Variants in ULK4 observed in about 807,000 individuals in gnomAD.
ULK4 encodes the protein unc-51 like kinase 4.
ULK4 carries 133 observed loss-of-function variants against 160.6 expected under a neutral mutation model. The ratio of observed to expected loss-of-function variants is 0.83; its 90% CI spans 0.72 to 0.96. The LOEUF is 0.96. Among genes scored for constraint, ULK4 ranks in the 40% least tolerant of loss-of-function variants. The pLI, the probability that ULK4 is intolerant of heterozygous loss-of-function variation, is 0.00. For missense variants in ULK4, 1,580 were observed against 1,499.5 expected (o/e 1.05, Z -0.89); for synonymous variants, 534 against 539.8 (o/e 0.99, Z 0.15).
chr3:41,740,713 G>A (rs1369002951), intron 22 of ULK4, among the ~76,000 whole-genome samples: 1 of 151,934 alleles, frequency 6.6e-6, no homozygotes, highest in Non-Finnish European at 1.5e-5. Context: ...CTGGGCTACC[G>A]ATATGAGGCT....
chr3:41,458,007 A>G (rs543336122), intron 33 of ULK4, among the ~76,000 whole-genome samples: 1 of 151,938 alleles, frequency 6.6e-6, no homozygotes, highest in Non-Finnish European at 1.5e-5. Context: ...TGTGGGATAT[A>G]AAAAAAGAGG....
intron 32 of ULK4, among the ~76,000 whole-genome samples, chr3:41,564,105 C>G (rs377004067): frequency 6.6e-6 from 1 of 152,146 alleles, no homozygotes. Context: ...AATTTTCCTT[C>G]TTACAGTCAG....
At chr3:41,758,818 A>T (rs1018569925) in intron 21 of ULK4, among the ~76,000 whole-genome samples, 8 of 151,772 alleles carry the variant, frequency 5.3e-5, no homozygotes, top group Admixed American at 1.3e-4. Flanking sequence ...GCTTGCAGTG[A>T]GCCAAGATCG....
intron 35 of ULK4, among the ~76,000 whole-genome samples, chr3:41,295,096 A>G (rs1337782403): frequency 6.6e-6 from 1 of 152,244 alleles, no homozygotes; most frequent in African/African-American, 2.4e-5. Flanking sequence ...GTGAAAGAAC[A>G]GACAAACAGA....
intron 5 of ULK4, among the ~76,000 whole-genome samples, chr3:41,925,217 G>A (rs1699335970): frequency 6.6e-6 from 1 of 152,190 alleles, no homozygotes; most frequent in Non-Finnish European, 1.5e-5. Flanking sequence ...TCATCTCACT[G>A]GGACTGGTTG....
At chr3:41,579,641 G>A (rs961352457) in intron 31 of ULK4, among the ~76,000 whole-genome samples, 4 of 151,880 alleles carry the variant, frequency 2.6e-5, no homozygotes, top group South Asian at 4.2e-4. Flanking sequence ...CTACAGGCGC[G>A]CGCCTCCATG....
chr3:41,729,229 G>A (rs1245928329), intron 22 of ULK4, among the ~76,000 whole-genome samples: 1 of 152,132 alleles, frequency 6.6e-6, no homozygotes, highest in East Asian at 1.9e-4. Context: ...GAATCATGAG[G>A]AAATTCCCCC....
intron 12 of ULK4, among the ~76,000 whole-genome samples, chr3:41,901,479 C>CTTTTTTTTGTTTTTTT (rs1698359897): frequency 4.4e-5 from 1 of 22,526 alleles, no homozygotes; most frequent in Non-Finnish European, 1.7e-4. Context: ...CACGCCCAGC[C>CTTTTTTTTGTTTTTTT]TTTTTTTTTT....
At chr3:41,665,666 T>C (rs2035329107) in intron 29 of ULK4, among the ~76,000 whole-genome samples, 2 of 152,294 alleles carry the variant, frequency 1.3e-5, no homozygotes, top group South Asian at 4.1e-4. Flanking sequence ...TGAGTTAATA[T>C]ATTTTATCAT....
At chr3:41,339,173 A>G (rs1476005038) in intron 35 of ULK4, among the ~76,000 whole-genome samples, 1 of 151,982 alleles carries the variant, frequency 6.6e-6, no homozygotes, top group Non-Finnish European at 1.5e-5. Context: ...GTGAGGCTCT[A>G]GTGGACATTG....
intron 35 of ULK4, among the ~76,000 whole-genome samples, chr3:41,265,223 A>C (rs2125680424): frequency 6.6e-6 from 1 of 152,346 alleles, no homozygotes; most frequent in Non-Finnish European, 1.5e-5. Flanking sequence ...ACGGCCAGCC[A>C]AAGTGTGAAC....
intron 5 of ULK4, among the ~76,000 whole-genome samples, chr3:41,931,470 T>TAAATAA (rs55969147): frequency 0.65 from 82,188 of 126,912 alleles, 24,955 homozygotes; most frequent in South Asian, 0.75. Flanking sequence ...CCCTAGAACT[T>TAAATAA]AAAAAAAAAA....
At position 41,486,981 on chromosome 3, in the gene ULK4, TATC is replaced by T. The variant is rs749602844; in HGVS notation, c.3227-23731_3227-23729del. ...AATACCCGAAACAAATCGTTAAAAT[TATC>T]ATCAATTATAGATAATGTGATTGAG... is the stretch of plus-strand genomic sequence containing the variant. On this transcript the variant is annotated intron_variant, in intron 32 of 36. Transcript: ENST00000301831. 1.1e-4 allele frequency among the ~76,000 whole-genome samples: 17 copies of T among 152,188 alleles called. 1 individual carries two copies. Among genetic ancestry groups the T allele is most frequent in the Non-Finnish European group, 2.1e-4 (14 of 68,044 alleles).
intron 35 of ULK4, among the ~76,000 whole-genome samples, chr3:41,365,856 T>TA (rs551465004): frequency 1.6e-3 from 235 of 148,362 alleles, no homozygotes; most frequent in South Asian, 4.3e-3. Context: ...ACTACAGACT[T>TA]AAAAAAAAAA....
At chr3:41,279,255 T>TAAAAAAAAAAAAAAAAAAAAAAA (rs771175184) in intron 35 of ULK4, among the ~76,000 whole-genome samples, 1 of 43,074 alleles carries the variant, frequency 2.3e-5, no homozygotes, top group Non-Finnish European at 4.3e-5. Flanking sequence ...AAAAAAAGAG[T>TAAAAAAAAAAAAAAAAAAAAAAA]AAAAAAAAAA....
intron 31 of ULK4, among the ~76,000 whole-genome samples, chr3:41,593,379 C>G (rs1469929587): frequency 6.6e-6 from 1 of 151,134 alleles, no homozygotes; most frequent in African/African-American, 2.4e-5. Flanking sequence ...TACAGTTACT[C>G]ACCATATACC....
At position 41,757,708 on chromosome 3, in the gene ULK4, A is replaced by G. The variant is rs183730423; in HGVS notation, c.2194-3220T>C. Reference sequence around the variant, plus strand: ...GAGTGCAGTGGTGCAATCTCGGCTCACTGTAACCTCCCCTTCCTGGGTTCA... The same window carrying G: ...GAGTGCAGTGGTGCAATCTCGGCTCGCTGTAACCTCCCCTTCCTGGGTTCA... On this transcript the variant is annotated intron_variant, in intron 21 of 36. Transcript: ENST00000301831. Among the ~76,000 whole-genome samples the G allele has an allele frequency of 3.7e-3, 556 of 148,306 alleles. 17 individuals carry two copies. Among genetic ancestry groups the G allele is most frequent in the Admixed American group, 0.032 (479 of 14,924 alleles).
intron 31 of ULK4, among the ~76,000 whole-genome samples, chr3:41,598,730 T>C (rs1370721154): frequency 6.6e-5 from 10 of 151,840 alleles, no homozygotes; most frequent in South Asian, 2.1e-4. Flanking sequence ...CTACAAAGAC[T>C]GCTGTATATT....
intron 35 of ULK4, among the ~76,000 whole-genome samples, chr3:41,340,639 T>C (rs950558659): frequency 4.6e-5 from 7 of 152,210 alleles, no homozygotes. Flanking sequence ...ACATCTGGAG[T>C]GCTCAATAGC....
Sources: allele counts gnomAD v4.1 joint callset (sites outside exome capture counted in the v4.1 genomes callset), GRCh38; gene constraint gnomAD v4.1.1; transcripts MANE v1.5; gene names NCBI Gene and HGNC (gene_info 2026-07-23, HGNC 2026-07-21).